Variants in RASSF3 observed in about 807,000 individuals in gnomAD.
RASSF3 encodes the protein Ras association domain family member 3, also known as ras association domain-containing protein 3.
Under a neutral mutation model 19.9 loss-of-function variants are expected in RASSF3, and 19 were observed. The observed-to-expected ratio is 0.96, with a 90% confidence interval of 0.67 to 1.40. RASSF3 has a LOEUF of 1.40. Ranked by LOEUF, RASSF3 falls within the 40% of genes most tolerant of loss-of-function variation. The pLI is 0.00. For missense variants in RASSF3, 306 were observed against 289.8 expected (o/e 1.06, Z -0.41); for synonymous variants, 110 against 104.2 (o/e 1.06, Z -0.34).
chr12:64,688,487 GCTT>G, intron 3 of RASSF3, 34 bp downstream of exon 3: 2 of 1,431,476 alleles, frequency 1.4e-6, no homozygotes, highest in Non-Finnish European at 2.0e-6. Context: ...AATGGTCTGT[GCTT>G]CTACTTGCAT....
intron 1 of RASSF3, among the ~76,000 whole-genome samples, chr12:64,517,232 C>T (rs1868383798): frequency 6.6e-6 from 1 of 151,612 alleles, no homozygotes; most frequent in Non-Finnish European, 1.5e-5. Context: ...ATCTTAGGAA[C>T]ATAAAATATG....
chr12:64,609,399 T>C (rs1201169786), upstream of RASSF3: 1 of 152,222 alleles, frequency 6.6e-6, no homozygotes, highest in African/African-American at 2.4e-5. Flanking sequence ...TTTGGCTAGT[T>C]TGGCTATGAT....
chr12:64,688,697 T>G (rs1873457167), intron 3 of RASSF3, among the ~76,000 whole-genome samples: 1 of 151,944 alleles, frequency 6.6e-6, no homozygotes, highest in Non-Finnish European at 1.5e-5. Flanking sequence ...GTTACGAGTA[T>G]TTTGTGGTGT....
chr12:64,570,806 G>C (rs1325421075), intron 2 of RASSF3, among the ~76,000 whole-genome samples: 1 of 152,164 alleles, frequency 6.6e-6, no homozygotes, highest in Non-Finnish European at 1.5e-5. Flanking sequence ...AAAACATGAG[G>C]GTTCTGTCAT....
At chr12:64,668,596 C>T (rs1175842408) in intron 1 of RASSF3, among the ~76,000 whole-genome samples, 1 of 151,742 alleles carries the variant, frequency 6.6e-6, no homozygotes, top group African/African-American at 2.4e-5. Context: ...TTTTAATCAC[C>T]CTGGCTTGGC....
rs768267953 is a variant in RASSF3, at chr12:64,694,755, C to T, written c.568-8C>T. The T allele has an allele frequency of 4.3e-6, 7 of 1,614,038 alleles. No homozygotes were observed. The East Asian group carries it at 8.9e-5, about 21-fold the overall frequency. On this transcript the variant is annotated splice_polypyrimidine_tract_variant and splice_region_variant and intron_variant, in intron 4 of 4. Transcript: ENST00000542104. Reference sequence around the variant, plus strand: ...ATCTGGCATTTTTCTTTCTGTGTTTCCTGACAGTGGGAAGCCTTCAGCCTT... The same window carrying T: ...ATCTGGCATTTTTCTTTCTGTGTTTTCTGACAGTGGGAAGCCTTCAGCCTT...
intron 2 of RASSF3, among the ~76,000 whole-genome samples, chr12:64,566,130 G>A (rs932633053): frequency 2.6e-5 from 4 of 152,088 alleles, no homozygotes; most frequent in Non-Finnish European, 4.4e-5. Context: ...GGACCCGGGA[G>A]GCAGAGGTTG....
chr12:64,688,132 A>G (rs990018360), intron 2 of RASSF3, 84 bp from the exon 3 acceptor site: 1 of 905,784 alleles, frequency 1.1e-6, no homozygotes, highest in African/African-American at 1.6e-5. Context: ...GGAGTGTTTC[A>G]CCTTCCCGTT....
chr12:64,690,621 G>A (rs1219613048), intron 3 of RASSF3, among the ~76,000 whole-genome samples: 3 of 152,062 alleles, frequency 2.0e-5, no homozygotes, highest in East Asian at 3.9e-4. Context: ...GACTATAGGC[G>A]GGCCCCATTA....
chr12:64,560,329 G>A (rs965661894), intron 2 of RASSF3, among the ~76,000 whole-genome samples: 3 of 152,224 alleles, frequency 2.0e-5, no homozygotes, highest in Non-Finnish European at 2.9e-5. Flanking sequence ...TGCAGGAGAG[G>A]AGGACCCTTT....
chr12:64,582,627 G>T (rs550305585), intron 2 of RASSF3, among the ~76,000 whole-genome samples: 1 of 152,230 alleles, frequency 6.6e-6, no homozygotes, highest in Non-Finnish European at 1.5e-5. Flanking sequence ...GTGCACCTCA[G>T]AATGAAGGAA....
intron 2 of RASSF3, among the ~76,000 whole-genome samples, chr12:64,589,620 A>G (rs1276659577): frequency 6.6e-6 from 1 of 151,448 alleles, no homozygotes; most frequent in Non-Finnish European, 1.5e-5. Flanking sequence ...TTTTTTTTCC[A>G]TAAAGAAAAG....
In RASSF3 at chr12:64,556,834, CTTTTTTTTT is replaced by C. The variant is rs5798747; in HGVS notation, c.294+15142_294+15150del. On this transcript the variant is annotated intron_variant, in intron 2 of 5. Coordinates refer to the RASSF3 transcript ENST00000637125. ...TTCCTTCCATCCCTGCCCCCTACCC[CTTTTTTTTT>C]TTTTTTTTTTTTGAGACAAGTCTTG... Among the ~76,000 whole-genome samples the C allele has an allele frequency of 3.9e-3, 444 of 114,382 alleles. 4 individuals are homozygous for C. The highest frequency in any genetic ancestry group is 0.014 in the African/African-American group (431 of 31,166). The allele number at this position is 114,382 out of a possible 152,430, so 75.0% of individuals were successfully genotyped here. A position where few individuals can be genotyped will look rare whatever the true frequency, so the allele number is the denominator to read the frequency against.
At chr12:64,659,266 G>T (rs1044205470) in intron 1 of RASSF3, among the ~76,000 whole-genome samples, 1 of 152,178 alleles carries the variant, frequency 6.6e-6, no homozygotes, top group Non-Finnish European at 1.5e-5. Context: ...GAAGTGTGGG[G>T]ATAAGGATGT....
chr12:64,668,217 A>G (rs183624898), intron 1 of RASSF3, among the ~76,000 whole-genome samples: 1 of 151,848 alleles, frequency 6.6e-6, no homozygotes, highest in African/African-American at 2.4e-5. Context: ...TCACTCAGCC[A>G]GCCTGGGGCA....
At chr12:64,633,975 A>G (rs1871247070) in intron 1 of RASSF3, among the ~76,000 whole-genome samples, 1 of 152,112 alleles carries the variant, frequency 6.6e-6, no homozygotes, top group South Asian at 2.1e-4. Flanking sequence ...CTCTACAAAA[A>G]ATACAAAAAT....
At chr12:64,652,159 A>G (rs1871979044) in intron 1 of RASSF3, among the ~76,000 whole-genome samples, 1 of 152,156 alleles carries the variant, frequency 6.6e-6, no homozygotes, top group South Asian at 2.1e-4. Context: ...GAAGGATGGT[A>G]TTTTGGCTCT....
intron 1 of RASSF3, among the ~76,000 whole-genome samples, chr12:64,681,622 A>G (rs562799840): frequency 3.2e-4 from 48 of 152,330 alleles, no homozygotes; most frequent in Admixed American, 5.9e-4. Context: ...TGAATGTACA[A>G]GCCAAGACTA....
At chr12:64,589,606 C>T (rs1400818036) in intron 2 of RASSF3, among the ~76,000 whole-genome samples, 1 of 148,766 alleles carries the variant, frequency 6.7e-6, no homozygotes, top group Non-Finnish European at 1.5e-5. Context: ...AAATCAACAA[C>T]TTTTTTTTTT....
Sources: gnomAD v4.1 joint callset for allele counts (sites outside exome capture counted in the v4.1 genomes callset) on GRCh38, gnomAD v4.1.1 for gene constraint, MANE v1.5 for transcripts, NCBI Gene and HGNC (gene_info 2026-07-23, HGNC 2026-07-21) for gene names.